RNF6: variants seen among roughly 807,000 people sequenced by gnomAD.
The protein encoded by RNF6 is E3 ubiquitin-protein ligase RNF6.
A neutral mutation model predicts 50.1 loss-of-function variants in RNF6; 21 were observed. The observed-to-expected ratio is 0.42, with a 90% CI of 0.30 to 0.60. The LOEUF (loss-of-function observed/expected upper bound fraction) is 0.60. Ranked by LOEUF, RNF6 falls within the 20% of genes least tolerant of loss-of-function variation. RNF6 has a pLI of 0.20. For missense variants in RNF6, 698 were observed against 838.2 expected, an observed-to-expected ratio of 0.83 and a Z score of 2.07; for synonymous variants, 255 against 291.8, an observed-to-expected ratio of 0.87 and a Z score of 1.29.
chr13:26,185,448 A>T (rs375923035), intron 5 of RNF6, among the ~76,000 whole-genome samples: 51 of 149,296 alleles, frequency 3.4e-4, no homozygotes, highest in South Asian at 1.1e-3. Flanking sequence ...CATTTTTTTT[A>T]AAAAAAGTTG....
At chr13:26,156,268 GA>G (rs1471508563) in intron 5 of RNF6, among the ~76,000 whole-genome samples, 2 of 152,144 alleles carry the variant, frequency 1.3e-5, no homozygotes, top group East Asian at 3.9e-4. Flanking sequence ...ATATTAGGGA[GA>G]AAAAGAGGAT....
intron 5 of RNF6, among the ~76,000 whole-genome samples, chr13:26,160,020 A>G (rs188864867): frequency 2.0e-5 from 3 of 152,298 alleles, no homozygotes; most frequent in Admixed American, 6.5e-5. Flanking sequence ...GATATAAACT[A>G]CTGATCATTT....
intron 5 of RNF6, among the ~76,000 whole-genome samples, chr13:26,193,996 A>G (rs778516840): frequency 3.9e-5 from 6 of 152,236 alleles, no homozygotes; most frequent in Non-Finnish European, 8.8e-5. Flanking sequence ...AAGTAATGGA[A>G]TTTTAAATAA....
In RNF6 at chr13:26,219,666, T is replaced by C. The variant is rs369402001; in HGVS notation, c.-17A>G. ...CTGATTCATCCTGAGATTCCTGGCT[T>C]TCTGTTCAAACAATATAAACAACAT... On this transcript the variant is annotated splice_region_variant and 5_prime_UTR_variant, in exon 3 of 5. Transcript: ENST00000381588. 1 of 1,611,186 alleles carries C rather than the reference T, an allele frequency of 6.2e-7. No individual in the cohort carries two copies. Among genetic ancestry groups the C allele is most frequent in the Non-Finnish European group, 8.5e-7 (1 of 1,179,174 alleles).
chr13:26,194,119 G>C (rs1868566533), intron 5 of RNF6, among the ~76,000 whole-genome samples: 1 of 152,176 alleles, frequency 6.6e-6, no homozygotes, highest in African/African-American at 2.4e-5. Context: ...GAATTTAAAT[G>C]AGACTAGTCG....
At chr13:26,138,594 C>G (rs1238212696) in intron 5 of RNF6, among the ~76,000 whole-genome samples, 1 of 151,628 alleles carries the variant, frequency 6.6e-6, no homozygotes, top group Non-Finnish European at 1.5e-5. Flanking sequence ...ATAATAATAG[C>G]AAAAAGAGGG....
intron 5 of RNF6, among the ~76,000 whole-genome samples, chr13:26,137,644 T>C (rs1423585340): frequency 2.1e-5 from 2 of 94,824 alleles, no homozygotes; most frequent in Admixed American, 1.1e-4. Flanking sequence ...AATAAAGAGA[T>C]AGAAATTATA....
Position 26,172,795 on chromosome 13 carries a change from G to A in RNF6, n.769-40344C>T, listed in dbSNP as rs149184465. ...CCTGACCTCGTGATCCGCCCACCTC[G>A]GCCTCCCAAAGTGCTGGGATTACAG... On this transcript the variant is annotated intron_variant and non_coding_transcript_variant, in intron 5 of 5. Transcript: ENST00000468480. Among the ~76,000 whole-genome samples the A allele has an allele frequency of 4.4e-3, 668 of 152,148 alleles. 3 individuals carry two copies. Among genetic ancestry groups the A allele is most frequent in the Non-Finnish European group, 7.3e-3 (499 of 67,996 alleles).
chr13:26,174,179 T>C (rs1487454867), intron 5 of RNF6, among the ~76,000 whole-genome samples: 1 of 152,076 alleles, frequency 6.6e-6, no homozygotes, highest in East Asian at 1.9e-4. Flanking sequence ...ATTGTTTCTC[T>C]GGCCATTTAG....
chr13:26,210,271 T>C (rs1223093929), downstream of RNF6, among the ~76,000 whole-genome samples: 1 of 152,214 alleles, frequency 6.6e-6, no homozygotes, highest in African/African-American at 2.4e-5. Context: ...ATTAACACCC[T>C]GGCTTTCATG....
intron 5 of RNF6, among the ~76,000 whole-genome samples, chr13:26,133,689 T>A: frequency 6.6e-6 from 1 of 152,230 alleles, no homozygotes; most frequent in East Asian, 1.9e-4. Context: ...TTGTACTTTC[T>A]ATTTCTTTGC....
At chr13:26,202,232 A>C (rs972095220) in intron 5 of RNF6, among the ~76,000 whole-genome samples, 1 of 152,180 alleles carries the variant, frequency 6.6e-6, no homozygotes, top group Admixed American at 6.5e-5. Context: ...CCTACTCTTG[A>C]GTTGGTTTGA....
At chr13:26,176,874 C>A (rs1391183348) in intron 5 of RNF6, among the ~76,000 whole-genome samples, 1 of 152,184 alleles carries the variant, frequency 6.6e-6, no homozygotes, top group East Asian at 1.9e-4. Flanking sequence ...GCAGTGGTTG[C>A]AGTGAGCCGA....
At chr13:26,173,533 G>A (rs949895964) in intron 5 of RNF6, among the ~76,000 whole-genome samples, 16 of 151,980 alleles carry the variant, frequency 1.1e-4, no homozygotes, top group Admixed American at 7.9e-4. Flanking sequence ...TTTGCTTATG[G>A]ATAGATAGAT....
chr13:26,148,628 C>A (rs569711901), intron 5 of RNF6, among the ~76,000 whole-genome samples: 1 of 16,994 alleles, frequency 5.9e-5, no homozygotes. Context: ...TAGTATAAAT[C>A]TCTTTATATA....
intron 5 of RNF6, among the ~76,000 whole-genome samples, chr13:26,196,513 A>G (rs757833698): frequency 1.3e-5 from 2 of 152,008 alleles, no homozygotes; most frequent in African/African-American, 4.8e-5. Flanking sequence ...TTAGCCAGTA[A>G]TCCCAACTAC....
chr13:26,199,475 A>ATTTGTGATTTTTGG (rs1220661102), intron 5 of RNF6, among the ~76,000 whole-genome samples: 19 of 152,224 alleles, frequency 1.2e-4, no homozygotes, highest in African/African-American at 4.3e-4. Context: ...GGATAGCCAA[A>ATTTGTGATTTTTGG]GATTCTTAGG....
intron 5 of RNF6, among the ~76,000 whole-genome samples, chr13:26,140,586 C>T (rs924572345): frequency 2.0e-5 from 3 of 152,162 alleles, no homozygotes; most frequent in African/African-American, 7.2e-5. Context: ...ACAAGGATAC[C>T]TAGTCTTACC....
At chr13:26,198,638 AG>A (rs1489831816) in intron 5 of RNF6, among the ~76,000 whole-genome samples, 3 of 151,942 alleles carry the variant, frequency 2.0e-5, no homozygotes, top group African/African-American at 7.3e-5. Flanking sequence ...ACTGTAATGA[AG>A]GTCCTAGATA....
Sources: allele counts gnomAD v4.1 joint callset (sites outside exome capture counted in the v4.1 genomes callset), GRCh38; gene constraint gnomAD v4.1.1; transcripts MANE v1.5; gene names NCBI Gene and HGNC (gene_info 2026-07-23, HGNC 2026-07-21).